The following NOS1AP variants were observed in gnomAD, a reference collection of about 807,000 sequenced individuals.
NOS1AP encodes carboxyl-terminal PDZ ligand of neuronal nitric oxide synthase protein.
A neutral mutation model predicts 56.2 loss-of-function variants in NOS1AP; 21 were observed. The ratio of observed to expected loss-of-function variants is 0.37; its 90% CI spans 0.26 to 0.54. NOS1AP has a LOEUF of 0.54. NOS1AP is among the 20% of genes least tolerant of loss of function. The pLI, the probability that NOS1AP is intolerant of heterozygous loss-of-function variation, is 0.84. For synonymous variants in NOS1AP, 270 were observed against 274.6 expected (o/e 0.98, Z 0.17); for missense variants, 522 against 657.8 (o/e 0.79, Z 2.26).
intron 4 of NOS1AP, among the ~76,000 whole-genome samples, chr1:162,301,607 A>G (rs1250137209): frequency 1.3e-5 from 2 of 152,198 alleles, no homozygotes; most frequent in African/African-American, 4.8e-5. Context: ...GCAGAAGAAT[A>G]TATCAGATAG....
intron 1 of NOS1AP, among the ~76,000 whole-genome samples, chr1:162,102,714 T>C (rs560681360): frequency 6.6e-6 from 1 of 152,308 alleles, no homozygotes; most frequent in East Asian, 1.9e-4. Context: ...TTTTCTAGTT[T>C]ATTTGCATAG....
chr1:162,337,991 T>A (rs1656994087), intron 5 of NOS1AP, among the ~76,000 whole-genome samples: 1 of 152,214 alleles, frequency 6.6e-6, no homozygotes, highest in Non-Finnish European at 1.5e-5. Flanking sequence ...TAAGATCATT[T>A]GATAGATATA....
chr1:162,124,891 A>G (rs1045067559), intron 1 of NOS1AP, among the ~76,000 whole-genome samples: 1 of 152,126 alleles, frequency 6.6e-6, no homozygotes, highest in Non-Finnish European at 1.5e-5. Context: ...TGTCTTTGCA[A>G]TTGTGAATTG....
chr1:162,184,226 G>A (rs925638443), intron 2 of NOS1AP, among the ~76,000 whole-genome samples: 2 of 152,162 alleles, frequency 1.3e-5, no homozygotes, highest in Non-Finnish European at 2.9e-5. Flanking sequence ...ACACATTTAT[G>A]GATTAAGTTT....
At position 162,214,269 on chromosome 1, in the gene NOS1AP, G is replaced by GTTCATTCA. The variant is rs57608978; in HGVS notation, c.177+59814_177+59821dup. On this transcript the variant is annotated intron_variant, in intron 2 of 9. Transcript: ENST00000361897. ...TGTTTGCTTGTTCATTCGTTCGTTC[G>GTTCATTCA]TTCATTCATTCATTCATTCATTCAT... Among the ~76,000 whole-genome samples the GTTCATTCA allele has an allele frequency of 2.1e-4, 32 of 150,778 alleles. No homozygotes were observed. In the Middle Eastern group the frequency reaches 0.01, roughly 48 times the overall value.
At chr1:162,232,798 A>G (rs886822317) in intron 2 of NOS1AP, among the ~76,000 whole-genome samples, 10 of 151,998 alleles carry the variant, frequency 6.6e-5, no homozygotes, top group African/African-American at 1.7e-4. Flanking sequence ...TACCTTTATT[A>G]TGCACTCTAT....
In NOS1AP at chr1:162,253,807, C is replaced by G. The variant is rs541052515; in HGVS notation, c.178-33537C>G. On this transcript the variant is annotated intron_variant, in intron 2 of 9. Transcript: ENST00000361897. ...TTTTATATTTCAAGCCACTTTTTTT[C>G]TCTTATAAATGTTTTTGCTGACACA... Among the ~76,000 whole-genome samples, 525 of 151,830 alleles carry G rather than the reference C, an allele frequency of 3.5e-3. 11 individuals carry two copies. Among genetic ancestry groups the G allele is most frequent in the Non-Finnish European group, 2.0e-3 (136 of 67,898 alleles).
chr1:162,072,112 A>AGATG, intron 1 of NOS1AP, among the ~76,000 whole-genome samples: 1 of 151,792 alleles, frequency 6.6e-6, no homozygotes. Flanking sequence ...ATAGATAGAT[A>AGATG]GAAAGTGTAT....
At position 162,188,326 on chromosome 1, in the gene NOS1AP, A is replaced by G. The variant is rs930121883; in HGVS notation, c.177+33850A>G. ...ATTCTGTTCCACAAACTTCTGCTTA[A>G]TGAGATAATTCTTCTCTATATTTCT... is the stretch of plus-strand genomic sequence containing the variant. On this transcript the variant is annotated intron_variant, in intron 2 of 9. Coordinates refer to ENST00000361897, the MANE Select transcript of NOS1AP (RefSeq NM_014697.3). The surrounding 1 kb of genome is among the most constrained non-coding windows in gnomAD (Gnocchi z 4.0). Among the ~76,000 whole-genome samples, 1 of 152,232 alleles carries G rather than the reference A, an allele frequency of 6.6e-6. No homozygotes were observed. The highest frequency in any genetic ancestry group is 1.5e-5 in the Non-Finnish European group (1 of 68,046).
intron 2 of NOS1AP, among the ~76,000 whole-genome samples, chr1:162,169,611 A>C (rs1402818468): frequency 6.6e-6 from 1 of 152,158 alleles, no homozygotes; most frequent in Admixed American, 6.5e-5. Flanking sequence ...GCATGTGTCC[A>C]TCTGTCCTCA....
chr1:162,364,884 G>A, intron 8 of NOS1AP: 1 of 994,504 alleles, frequency 1.0e-6, no homozygotes, highest in Non-Finnish European at 1.2e-6. Flanking sequence ...GTGGGAGAGG[G>A]AGAAAGATTA....
rs540786166 is a variant in NOS1AP, at chr1:162,333,069, G to A, written c.397G>A (p.Ala133Thr). 4 of 1,613,806 alleles carry A rather than the reference G, an allele frequency of 2.5e-6. No individual in the cohort carries two copies. The highest frequency in any genetic ancestry group is 2.7e-5 in the African/African-American group (2 of 74,972). The change falls in exon 5 of 10, where the codon GCT becomes ACT. Residue 133 changes from alanine to threonine, a missense_variant. This residue lies in a region of NOS1AP where 132 missense variants were observed against 218.1 expected (regional missense o/e 0.61). Transcript: ENST00000361897. ...AGACTTGAAGATCTTCAGCTATATC[G>A]CTCGAGATGGTGCCAGCAATATCTT... The part of the protein sequence containing the change: ...SQDLKIFSYI[A>T]RDGASNIFRC...
chr1:162,075,735 C>G (rs983755304), intron 1 of NOS1AP, among the ~76,000 whole-genome samples: 1 of 151,772 alleles, frequency 6.6e-6, no homozygotes, highest in African/African-American at 2.4e-5. Flanking sequence ...TTATGCTTTT[C>G]CAGATGCTTT....
chr1:162,120,319 G>A (rs1386600265), intron 1 of NOS1AP, among the ~76,000 whole-genome samples: 4 of 152,074 alleles, frequency 2.6e-5, no homozygotes, highest in Non-Finnish European at 5.9e-5. Context: ...CACAATTGAG[G>A]AATTTTTATG....
At chr1:162,115,499 G>GAA (rs1258251825) in intron 1 of NOS1AP, among the ~76,000 whole-genome samples, 2 of 152,064 alleles carry the variant, frequency 1.3e-5, no homozygotes, top group Admixed American at 1.3e-4. Context: ...CTTGGAAGAG[G>GAA]AATTGTCTAG....
At position 162,362,471 on chromosome 1, in the gene NOS1AP, GAAAGAAAGA is replaced by G. The variant is rs1297364154; in HGVS notation, c.940-2925_940-2917del. ...AAAAAAAAAAAAAAAGAAGAAAAAA[GAAAGAAAGA>G]AAAGAAAAGAAAAGAAACTGACTCT... On this transcript the variant is annotated intron_variant, in intron 8 of 9. Transcript: ENST00000361897. Among the ~76,000 whole-genome samples the G allele has an allele frequency of 1.6e-3, 179 of 111,222 alleles. 1 individual carries two copies. Among genetic ancestry groups the G allele is most frequent in the African/African-American group, 5.7e-3 (165 of 28,962 alleles). 73.0% of individuals were successfully genotyped at this position (111,222 alleles called of 152,430 possible).
At chr1:162,329,407 A>C (rs9661075) in intron 4 of NOS1AP, among the ~76,000 whole-genome samples, 1 of 151,454 alleles carries the variant, frequency 6.6e-6, no homozygotes, top group African/African-American at 2.4e-5. Context: ...AGGAGAAGAA[A>C]TTTTAGGAAA....
intron 2 of NOS1AP, among the ~76,000 whole-genome samples, chr1:162,284,851 G>T (rs1655043489): frequency 6.6e-6 from 1 of 152,060 alleles, no homozygotes; most frequent in Non-Finnish European, 1.5e-5. Flanking sequence ...CACAGAGAGA[G>T]TGAAACCAAC....
intron 1 of NOS1AP, among the ~76,000 whole-genome samples, chr1:162,085,453 C>G (rs1572496): frequency 6.6e-6 from 1 of 152,152 alleles, no homozygotes; most frequent in Non-Finnish European, 1.5e-5. Context: ...GGAAGTTTCA[C>G]TGGGAAGACC....
Sources: gnomAD v4.1 joint callset for allele counts (sites outside exome capture counted in the v4.1 genomes callset) on GRCh38, gnomAD v4.1.1 for gene constraint, gnomAD v4.1.1 regional missense constraint, Gnocchi (gnomAD v3.1) non-coding constraint, MANE v1.5 for transcripts, NCBI Gene and HGNC (gene_info 2026-07-23, HGNC 2026-07-21) for gene names.